Variants in LARGE1 observed in about 807,000 individuals in gnomAD.
LARGE1 encodes LARGE xylosyl- and glucuronyltransferase 1, also known as xylosyl- and glucuronyltransferase LARGE1.
Under a neutral mutation model 87.6 loss-of-function variants are expected in LARGE1, and 43 were observed. That is an observed-to-expected ratio of 0.49 (90% confidence interval 0.38 to 0.63). The LOEUF is 0.63. Among genes scored for constraint, LARGE1 ranks in the 30% least tolerant of loss-of-function variants. The pLI, the probability that LARGE1 is intolerant of heterozygous loss-of-function variation, is 0.00. For missense variants in LARGE1, 802 were observed against 1,000.2 expected, an observed-to-expected ratio of 0.80 and a Z score of 2.67; for synonymous variants, 434 against 394.6, an observed-to-expected ratio of 1.10 and a Z score of -1.18.
chr22:33,753,045 AC>A (rs2084380221), intron 2 of LARGE1, among the ~76,000 whole-genome samples: 1 of 151,890 alleles, frequency 6.6e-6, no homozygotes. Context: ...CATGATGAAA[AC>A]CTGTCTTTAC....
At position 33,640,072 on chromosome 22, in the gene LARGE1, C is replaced by T. The variant is rs117710038; in HGVS notation, c.408+10295G>A. Among the ~76,000 whole-genome samples, 821 of 152,280 alleles carry T rather than the reference C, an allele frequency of 5.4e-3. 5 individuals carry two copies. Among genetic ancestry groups the T allele is most frequent in the Non-Finnish European group, 7.4e-3 (505 of 68,012 alleles). On this transcript the variant is annotated intron_variant, in intron 3 of 14. Transcript: ENST00000397394. ...CAGATGGTGGCAGCATCTCTGGTTA[C>T]GTGGCCCTGCACCGTGACAGGATGT...
chr22:33,720,155 C>G (rs1265671062), intron 2 of LARGE1, among the ~76,000 whole-genome samples: 1 of 152,122 alleles, frequency 6.6e-6, no homozygotes, highest in Non-Finnish European at 1.5e-5. Context: ...TCAGTGGGAG[C>G]CCTGAGTTTG....
chr22:33,559,823 G>A (rs1474298495), intron 6 of LARGE1, among the ~76,000 whole-genome samples: 1 of 152,020 alleles, frequency 6.6e-6, no homozygotes, highest in Non-Finnish European at 1.5e-5. Context: ...CAGAATTCTG[G>A]AGACTGAGAT....
At chr22:33,576,191 T>C (rs977012742) in intron 5 of LARGE1, among the ~76,000 whole-genome samples, 6 of 152,356 alleles carry the variant, frequency 3.9e-5, no homozygotes, top group South Asian at 2.1e-4. Flanking sequence ...GTCTGACACA[T>C]AGAAGGCACT....
intron 2 of LARGE1, among the ~76,000 whole-genome samples, chr22:33,670,735 G>A (rs1018694360): frequency 1.4e-4 from 21 of 152,104 alleles, no homozygotes; most frequent in African/African-American, 2.9e-4. Flanking sequence ...AGTGTGCAAC[G>A]CCTGTCCAAT....
rs1213885651 is a variant in LARGE1, at chr22:33,576,587, TC to T, written c.616-11569del. On this transcript the variant is annotated intron_variant, in intron 5 of 14. Coordinates refer to ENST00000397394, the MANE Select transcript of LARGE1 (RefSeq NM_133642.5). ...GCCATAACCTGTCTATCTGTAGTCTTCCTATGTATGTGAATATGCTCATATA... is the reference window on the plus strand; with the variant it reads ...GCCATAACCTGTCTATCTGTAGTCTTCTATGTATGTGAATATGCTCATATA... 2.0e-5 allele frequency among the ~76,000 whole-genome samples: 3 copies of T among 152,172 alleles called. No homozygotes were observed. The East Asian group carries it at 5.8e-4, about 29-fold the overall frequency.
At chr22:33,544,691 A>AACAACAACAACAACC (rs745769816) in intron 6 of LARGE1, among the ~76,000 whole-genome samples, 4 of 119,594 alleles carry the variant, frequency 3.3e-5, no homozygotes, top group Admixed American at 2.5e-4. Flanking sequence ...TCAAAACAAC[A>AACAACAACAACAACC]ACCACAACAA....
At chr22:33,582,646 C>A (rs549655930) in intron 5 of LARGE1, among the ~76,000 whole-genome samples, 1 of 152,304 alleles carries the variant, frequency 6.6e-6, no homozygotes, top group Admixed American at 6.5e-5. Flanking sequence ...TACCTAGGCA[C>A]CCTGGTCACC....
chr22:33,855,291 G>A (rs746784163), intron 1 of LARGE1, among the ~76,000 whole-genome samples: 14 of 152,044 alleles, frequency 9.2e-5, no homozygotes, highest in Admixed American at 4.6e-4. Context: ...CGGAGATCGC[G>A]CCACCACACT....
rs116056490 is a variant in LARGE1, at chr22:33,904,632, G to A, written c.-83+15363C>T. On this transcript the variant is annotated intron_variant, in intron 1 of 14. Coordinates refer to ENST00000397394, the MANE Select transcript of LARGE1 (RefSeq NM_133642.5). ...GTGGGGCAGTAGAGTCGGTGACGCT[G>A]TTCGAGGACTTAGATCCAGCCCTGC... Among the ~76,000 whole-genome samples the A allele has an allele frequency of 8.9e-3, 1,353 of 152,292 alleles. 19 individuals carry two copies. Among genetic ancestry groups the A allele is most frequent in the African/African-American group, 0.031 (1,283 of 41,542 alleles).
intron 11 of LARGE1, among the ~76,000 whole-genome samples, chr22:33,247,047 A>ATGTGTGTGTGTGTG (rs10532057): frequency 3.0e-4 from 44 of 146,282 alleles, no homozygotes; most frequent in African/African-American, 1.1e-3. Flanking sequence ...TGCAGCCAGT[A>ATGTGTGTGTGTGTG]TGTGTGTGTG....
chr22:33,131,077 C>G, the LARGE1 span, among the ~76,000 whole-genome samples: 872 of 128,454 alleles, frequency 6.8e-3, 3 homozygotes, highest in Middle Eastern at 0.014. Flanking sequence ...TATCGAAAAA[C>G]TTCATCTGTA....
intron 2 of LARGE1, among the ~76,000 whole-genome samples, chr22:33,751,279 G>A (rs575915021): frequency 5.3e-5 from 8 of 152,128 alleles, no homozygotes; most frequent in East Asian, 3.9e-4. Context: ...TCAGGAGTTC[G>A]AGACCAGCCT....
intron 1 of LARGE1, among the ~76,000 whole-genome samples, chr22:33,858,726 C>G (rs1486638819): frequency 6.6e-6 from 1 of 152,168 alleles, no homozygotes; most frequent in African/African-American, 2.4e-5. Context: ...AATTATTCTA[C>G]TATAAAGACA....
At chr22:33,894,908 C>T (rs1279489007) in intron 1 of LARGE1, among the ~76,000 whole-genome samples, 28 of 152,096 alleles carry the variant, frequency 1.8e-4, no homozygotes, top group East Asian at 1.9e-4. Context: ...GGAGCCAGTC[C>T]CGGAAGAGCT....
At chr22:33,325,434 C>T (rs1387814947) in intron 10 of LARGE1, among the ~76,000 whole-genome samples, 2 of 152,210 alleles carry the variant, frequency 1.3e-5, no homozygotes, top group Non-Finnish European at 2.9e-5. Flanking sequence ...GGCTGACAGC[C>T]AGAGCAAGAG....
intron 6 of LARGE1, among the ~76,000 whole-genome samples, chr22:33,467,924 A>C (rs1436484560): frequency 6.6e-6 from 1 of 152,146 alleles, no homozygotes; most frequent in Non-Finnish European, 1.5e-5. Context: ...TGCCTGACCA[A>C]GCTTCTCTCC....
rs531868623 is a variant in LARGE1, at chr22:33,763,286, G to C, written c.-82-1728C>G. Among the ~76,000 whole-genome samples, 6 of 152,240 alleles carry C rather than the reference G, an allele frequency of 3.9e-5. 1 individual carries two copies. Among genetic ancestry groups the C allele is most frequent in the South Asian group, 4.1e-4 (2 of 4,822 alleles). ...CCAATAATAAACACCTAATGGAGCC[G>C]ATCACAACTGTCAATGCTGAGCCTG... On this transcript the variant is annotated intron_variant, in intron 1 of 14. Transcript: ENST00000397394.
At chr22:33,573,303 G>A (rs1039454506) in intron 5 of LARGE1, among the ~76,000 whole-genome samples, 1 of 152,096 alleles carries the variant, frequency 6.6e-6, no homozygotes, top group Non-Finnish European at 1.5e-5. Context: ...GCCGGGCGTG[G>A]TGGTGTGCGC....
Sources: gnomAD v4.1 joint callset for allele counts (sites outside exome capture counted in the v4.1 genomes callset) on GRCh38, gnomAD v4.1.1 for gene constraint, MANE v1.5 for transcripts, NCBI Gene and HGNC (gene_info 2026-07-23, HGNC 2026-07-21) for gene names.